The following OGA variants were observed in gnomAD, a reference collection of about 807,000 sequenced individuals.
OGA encodes the protein O-GlcNAcase, also known as protein O-GlcNAcase.
In OGA, 21 loss-of-function variants were observed where a neutral mutation model predicts 102.0. The observed-to-expected ratio is 0.21, with a 90% CI of 0.15 to 0.30. The LOEUF (loss-of-function observed/expected upper bound fraction) is 0.30. Among genes scored for constraint, OGA ranks in the 10% least tolerant of loss-of-function variants. The probability of loss-of-function intolerance (pLI) is 1.00; values close to 1 mark genes in which losing one functional copy is unlikely to be tolerated. For synonymous variants in OGA, 408 were observed against 378.2 expected, an observed-to-expected ratio of 1.08 and a Z score of -0.91; for missense variants, 765 against 1,107.8, an observed-to-expected ratio of 0.69 and a Z score of 4.39.
At chr10:101,813,153 G>A in intron 2 of OGA, 26 bp from the exon 3 acceptor site, 1 of 1,445,850 alleles carries the variant, frequency 6.9e-7, no homozygotes, top group Non-Finnish European at 9.6e-7. Flanking sequence ...AATTACATAT[G>A]TATAAACAGG....
chr10:101,791,014 T>C lies in OGA; in HGVS notation c.2336A>G (p.Tyr779Cys). ...GGTCACATCTACAGTGCCCAAGGCA[T>C]AACCACATATGCCATCTTCATCTTC... The part of the protein sequence containing the change: ...VLEDEDGICG[Y>C]ALGTVDVTPF... The change falls in exon 14 of 16, where the codon TAT becomes TGT. Residue 779 changes from tyrosine (Y) to cysteine (C), a missense_variant. Physicochemically the swap from Tyr to Cys is radical, Grantham distance 194. Transcript: ENST00000361464. The C allele has an allele frequency of 6.2e-7, 1 of 1,613,998 alleles. No homozygotes were observed. The highest frequency in any genetic ancestry group is 8.5e-7 in the Non-Finnish European group (1 of 1,179,972).
chr10:101,787,748 C>A, intron 14 of OGA: 2 of 499,062 alleles, frequency 4.0e-6, no homozygotes, highest in East Asian at 3.2e-5. Context: ...CATTCTCCCT[C>A]GCGTGCACGC....
intron 10 of OGA, among the ~76,000 whole-genome samples, chr10:101,796,148 G>T (rs955897990): frequency 6.6e-6 from 1 of 152,170 alleles, no homozygotes; most frequent in African/African-American, 2.4e-5. Flanking sequence ...CTATAAGAAT[G>T]AATTATAAGA....
Position 101,817,837 on chromosome 10 carries a change from G to A in OGA, c.186C>T (p.Cys62=). 4 of 1,539,246 alleles carry A rather than the reference G, an allele frequency of 2.6e-6. No homozygotes were observed. Among genetic ancestry groups the A allele is most frequent in the Non-Finnish European group, 2.6e-6 (3 of 1,146,600 alleles). ...GAAGGARRFL[C]GVVEGFYGRP... is the part of the protein sequence containing the mutation. ...GAGGGCGCTCACCTTCCACCACACCGCAGAGGAACCGCCGAGCCCCTCCTG... is the reference window on the plus strand; with the variant it reads ...GAGGGCGCTCACCTTCCACCACACCACAGAGGAACCGCCGAGCCCCTCCTG... Residue 62 remains cysteine, a synonymous_variant, in exon 1 of 16, where the codon TGC becomes TGT. Transcript: ENST00000361464.
chr10:101,789,265 G>A (rs1306770493), intron 14 of OGA, among the ~76,000 whole-genome samples: 1 of 152,222 alleles, frequency 6.6e-6, no homozygotes, highest in Non-Finnish European at 1.5e-5. Context: ...TTGGGAGGCT[G>A]AGGAGGGCGG....
At position 101,799,354 on chromosome 10, in the gene OGA, A is replaced by G. The variant is rs780567376; in HGVS notation, c.1297T>C (p.Tyr433His). Reference protein sequence around the residue: ...LNATTVVTTVYQEPIMSQGAA... With the variant: ...LNATTVVTTVHQEPIMSQGAA... ...CCCTGGCTCATAATGGGCTCCTGAT[A>G]AACTGTTGTTACTACGGTTGTGGCA... Residue 433 changes from tyrosine (Y) to histidine (H), a missense_variant, in exon 9 of 16, where the codon TAT becomes CAT. Coordinates refer to ENST00000361464, the MANE Select transcript of OGA (RefSeq NM_012215.5). The G allele has an allele frequency of 6.2e-7, 1 of 1,614,178 alleles. No individual in the cohort carries two copies. Among genetic ancestry groups the G allele is most frequent in the Admixed American group, 1.7e-5 (1 of 60,020 alleles).
chr10:101,788,517 A>G (rs2065218847), intron 14 of OGA, among the ~76,000 whole-genome samples: 1 of 151,470 alleles, frequency 6.6e-6, no homozygotes, highest in Non-Finnish European at 1.5e-5. Flanking sequence ...CAGGTGAATC[A>G]CAAGGTCAGG....
At chr10:101,804,148 A>G (rs1839268582) in intron 6 of OGA, 129 bp from the exon 7 acceptor site, 1 of 650,020 alleles carries the variant, frequency 1.5e-6, no homozygotes, top group Non-Finnish European at 2.6e-6. Context: ...AGTTCGGACC[A>G]GCCTGGGCAA....
At chr10:101,803,663 G>A in intron 7 of OGA, 72 bp downstream of exon 7, 2 of 1,379,574 alleles carry the variant, frequency 1.4e-6, no homozygotes, top group East Asian at 2.3e-5. Context: ...ACAAAGGAAT[G>A]CATACTTTCC....
chr10:101,787,966 T>TA (rs917826042), intron 14 of OGA: 48 of 151,998 alleles, frequency 3.2e-4, no homozygotes, highest in Middle Eastern at 3.4e-3. Context: ...CTGTCTCTAC[T>TA]AAAAAAAAAT....
At chr10:101,808,887 T>C (rs1474547645) in intron 4 of OGA, among the ~76,000 whole-genome samples, 1 of 152,024 alleles carries the variant, frequency 6.6e-6, no homozygotes, top group African/African-American at 2.4e-5. Context: ...AGAGAATTGC[T>C]TGAACCCAGG....
chr10:101,813,047 T>C lies in OGA; in HGVS notation c.332A>G (p.Tyr111Cys), dbSNP rs766698791. 6.2e-7 allele frequency: 1 copy of C among 1,610,914 alleles called. No homozygotes were observed. The highest frequency in any genetic ancestry group is 8.5e-7 in the Non-Finnish European group (1 of 1,177,876). ...AAGATTACCAGCTTCCTCCACTGAA[T>C]ACATCTCTCGCCAAAACATCCTATG... ...YKHRMFWREM[Y>C]SVEEAEQLMT... is the part of the protein sequence containing the mutation. The change falls in exon 3 of 16, where the codon TAT (tyrosine) becomes TGT (cysteine). Residue 111 changes from tyrosine (Y) to cysteine (C), a missense_variant. By Grantham distance (194) the Tyr-to-Cys change is radical. This residue lies in a region of OGA where 165 missense variants were observed against 249.7 expected (regional missense o/e 0.66). Transcript: ENST00000361464.
intron 10 of OGA, chr10:101,796,033 A>G (rs752510985): frequency 2.3e-5 from 9 of 383,486 alleles, no homozygotes; most frequent in Admixed American, 6.4e-5. Flanking sequence ...TAATTCTTAA[A>G]TTAAAAACTG....
At chr10:101,810,378 G>GTTCT in intron 3 of OGA, 64 bp from the exon 4 acceptor site, 3 of 1,419,088 alleles carry the variant, frequency 2.1e-6, no homozygotes, top group Non-Finnish European at 2.9e-6. Context: ...TTCACTGAAG[G>GTTCT]TTTAACTGAA....
intron 6 of OGA, 140 bp downstream of exon 6, chr10:101,805,905 A>G: frequency 1.8e-6 from 1 of 561,422 alleles, no homozygotes; most frequent in Non-Finnish European, 3.3e-6. Flanking sequence ...CAGTGAGCCG[A>G]GATCATGCCA....
In OGA at chr10:101,806,117, T is replaced by A; in HGVS notation, c.679A>T (p.Asn227Tyr). ...CTTAAATATGGAGACTGAGACACAT[T>A]TGGATAACAGAAAGTGCCACAGTAT... The part of the protein sequence containing the change: ...TEYCGTFCYP[N>Y]VSQSPYLRTV... The change falls in exon 6 of 16, where the codon AAT becomes TAT. Residue 227 changes from asparagine (N) to tyrosine (Y), a missense_variant. Physicochemically the swap from Asn to Tyr is moderately radical, Grantham distance 143 (BLOSUM62 -2). This residue lies in a region of OGA where 165 missense variants were observed against 249.7 expected (regional missense o/e 0.66). Transcript: ENST00000361464. The A allele has an allele frequency of 6.2e-7, 1 of 1,610,202 alleles. No individual in the cohort carries two copies. Among genetic ancestry groups the A allele is most frequent in the Non-Finnish European group, 8.5e-7 (1 of 1,176,386 alleles).
In OGA at chr10:101,800,264, A is replaced by G. The variant is rs1385938779; in HGVS notation, c.1173T>C (p.Phe391=). The G allele has an allele frequency of 3.1e-6, 5 of 1,614,012 alleles. No homozygotes were observed. The Admixed American group carries it at 6.7e-5, about 22-fold the overall frequency. The change falls in exon 8 of 16, where the codon TTT becomes TTC. Residue 391 remains phenylalanine, a synonymous_variant. Transcript: ENST00000361464. ...CACTGCTGTATTGATGAGGCACACC[A>G]AACTCTTGCAACCATTCTGTTAATG... The part of the protein sequence containing the change: ...KLALTEWLQE[F]GVPHQYSSRQ...
rs1367555387 is a variant in OGA, at chr10:101,787,360, T to C, written c.2614+4A>G. On this transcript the variant is annotated splice_donor_region_variant and intron_variant, in intron 15 of 15. Coordinates refer to ENST00000361464, the MANE Select transcript of OGA (RefSeq NM_012215.5). ...TACCACCAACTCCACAAATATGTAC[T>C]CACCATTAGCCTTCAGTGAAGACAG... 1 of 1,606,230 alleles carries C rather than the reference T, an allele frequency of 6.2e-7. No individual in the cohort carries two copies. The highest frequency in any genetic ancestry group is 8.5e-7 in the Non-Finnish European group (1 of 1,174,074).
intron 3 of OGA, among the ~76,000 whole-genome samples, chr10:101,811,406 GA>G (rs67433227): frequency 0.13 from 5,924 of 45,696 alleles, 124 homozygotes; most frequent in African/African-American, 0.2. Context: ...GAAAAAAAAT[GA>G]AAAAAAAAAA....
Sources: allele counts gnomAD v4.1 joint callset (sites outside exome capture counted in the v4.1 genomes callset), GRCh38; gene constraint gnomAD v4.1.1; regional missense constraint gnomAD v4.1.1; transcripts MANE v1.5; gene names NCBI Gene and HGNC (gene_info 2026-07-23, HGNC 2026-07-21).